The following CRADD variants were observed in gnomAD, a reference collection of about 807,000 sequenced individuals.
CRADD encodes the protein death domain-containing protein CRADD.
A neutral mutation model predicts 15.5 loss-of-function variants in CRADD; 9 were observed. That is an observed-to-expected ratio of 0.58 (90% CI 0.35 to 1.01). The LOEUF (loss-of-function observed/expected upper bound fraction) is 1.01. Among genes scored for constraint, CRADD ranks in the 50% least tolerant of loss-of-function variants. The pLI, the probability that CRADD is intolerant of heterozygous loss-of-function variation, is 0.02. For missense variants in CRADD, 227 were observed against 250.3 expected (o/e 0.91, Z 0.63); for synonymous variants, 118 against 107.6 (o/e 1.10, Z -0.60).
intron 2 of CRADD, among the ~76,000 whole-genome samples, chr12:93,858,828 G>A (rs1400264543): frequency 6.6e-6 from 1 of 152,246 alleles, no homozygotes; most frequent in Admixed American, 6.5e-5. Context: ...CCCCATACCT[G>A]GGAGGAAGGA....
intron 2 of CRADD, among the ~76,000 whole-genome samples, chr12:93,683,017 T>C (rs1368640657): frequency 6.6e-6 from 1 of 152,228 alleles, no homozygotes; most frequent in Non-Finnish European, 1.5e-5. Context: ...CTGGAAATCC[T>C]CTCTGGGCTC....
intron 2 of CRADD, among the ~76,000 whole-genome samples, chr12:93,732,487 C>T (rs957474429): frequency 6.6e-6 from 1 of 152,166 alleles, no homozygotes; most frequent in Admixed American, 6.5e-5. Flanking sequence ...GTAATGGGCT[C>T]TTAGAGATGG....
chr12:93,772,488 T>C (rs1422959511), intron 2 of CRADD, among the ~76,000 whole-genome samples: 2 of 152,230 alleles, frequency 1.3e-5, no homozygotes, highest in Admixed American at 1.3e-4. Context: ...AAACTCTCTC[T>C]TCTGACACCT....
chr12:93,711,846 C>T (rs2136864894), intron 2 of CRADD, among the ~76,000 whole-genome samples: 1 of 152,130 alleles, frequency 6.6e-6, no homozygotes, highest in Middle Eastern at 3.4e-3. Flanking sequence ...ACCTCCACCT[C>T]CCCAGTTCAA....
At chr12:93,753,671 C>A (rs541041124) in intron 2 of CRADD, among the ~76,000 whole-genome samples, 2 of 152,356 alleles carry the variant, frequency 1.3e-5, no homozygotes, top group African/African-American at 4.8e-5. Flanking sequence ...GTAATTAAAT[C>A]TTAAAGCTCT....
rs188223650 is a variant in CRADD at position 93,699,197 on chromosome 12, C to A, written c.298+20125C>A. Among the ~76,000 whole-genome samples, 8 of 152,210 alleles carry A rather than the reference C, an allele frequency of 5.3e-5. No individual in the cohort carries two copies. The East Asian group carries it at 1.5e-3, about 29-fold the overall frequency. The stretch of plus-strand genomic sequence containing the variant: ...GTTTTGAGAGTCAAAACTGGGGAGG[C>A]CTTTCTTCAGGGTAAACTTTTCCTA... On this transcript the variant is annotated intron_variant, in intron 2 of 2. Transcript: ENST00000332896.
rs374005946 is a variant in CRADD at position 93,713,892 on chromosome 12, A to G, written c.298+34820A>G. On this transcript the variant is annotated intron_variant, in intron 2 of 2. Transcript: ENST00000332896. ...TTCCTTTTTAAAACGTGGCTACTAG[A>G]CAATTTAAAATTATATATGTGACTG... 1.1e-4 allele frequency among the ~76,000 whole-genome samples: 16 copies of G among 152,324 alleles called. No individual in the cohort carries two copies. In the South Asian group the frequency reaches 1.9e-3, roughly 18 times the overall value.
intron 2 of CRADD, among the ~76,000 whole-genome samples, chr12:93,689,725 C>T (rs1474124052): frequency 6.6e-6 from 1 of 152,104 alleles, no homozygotes; most frequent in Non-Finnish European, 1.5e-5. Context: ...AAATGAGAGG[C>T]TTCTGGTTTT....
intron 2 of CRADD, among the ~76,000 whole-genome samples, chr12:93,787,588 A>G (rs780976154): frequency 1.2e-4 from 18 of 152,302 alleles, no homozygotes; most frequent in Non-Finnish European, 2.4e-4. Flanking sequence ...TCTCCAAGAA[A>G]ATGAAACAAA....
At chr12:93,817,422 G>T (rs1469068116) in intron 2 of CRADD, among the ~76,000 whole-genome samples, 2 of 152,164 alleles carry the variant, frequency 1.3e-5, no homozygotes, top group African/African-American at 4.8e-5. Flanking sequence ...ACCATTTGAG[G>T]TCGATGCTGT....
chr12:93,770,752 A>T (rs931517345), intron 2 of CRADD, among the ~76,000 whole-genome samples: 1 of 152,152 alleles, frequency 6.6e-6, no homozygotes, highest in Middle Eastern at 3.2e-3. Context: ...GTTCCTGGAG[A>T]TTCTTGGTTA....
chr12:93,769,749 C>T (rs969424727), intron 2 of CRADD, among the ~76,000 whole-genome samples: 5 of 152,178 alleles, frequency 3.3e-5, no homozygotes, highest in Non-Finnish European at 7.3e-5. Flanking sequence ...CTAATGAGCA[C>T]ATTTTCATAT....
chr12:93,855,211 C>A (rs1025127445), downstream of CRADD, among the ~76,000 whole-genome samples: 3 of 152,002 alleles, frequency 2.0e-5, no homozygotes, highest in African/African-American at 7.2e-5. Context: ...AATTAACTTC[C>A]GTGGCCCACT....
At chr12:93,848,119 CT>C (rs1958154153) in intron 2 of CRADD, among the ~76,000 whole-genome samples, 1 of 151,432 alleles carries the variant, frequency 6.6e-6, no homozygotes, top group South Asian at 2.1e-4. Flanking sequence ...TGGATGATTT[CT>C]TTTCTTCTTT....
At chr12:93,735,512 G>A (rs1002132105) in intron 2 of CRADD, 7 of 152,202 alleles carry the variant, frequency 4.6e-5, no homozygotes, top group African/African-American at 1.4e-4. Flanking sequence ...ATAGTGCCTG[G>A]TTCATCGTAG....
intron 2 of CRADD, among the ~76,000 whole-genome samples, chr12:93,697,705 C>G (rs1017004262): frequency 6.6e-6 from 1 of 152,090 alleles, no homozygotes; most frequent in African/African-American, 2.4e-5. Context: ...TTTCCTCATT[C>G]ATTCTAGGTT....
At chr12:93,857,728 G>T (rs868073350) in intron 2 of CRADD, among the ~76,000 whole-genome samples, 2 of 152,180 alleles carry the variant, frequency 1.3e-5, no homozygotes, top group African/African-American at 4.8e-5. Context: ...GGAGCTCCCT[G>T]TTCGGAGATC....
chr12:93,856,802 T>C (rs943083087), intron 2 of CRADD, among the ~76,000 whole-genome samples: 1 of 152,226 alleles, frequency 6.6e-6, no homozygotes, highest in Non-Finnish European at 1.5e-5. Context: ...GTATTAGGCA[T>C]ATTTTGGGGT....
intron 2 of CRADD, among the ~76,000 whole-genome samples, chr12:93,782,639 G>A (rs1480637833): frequency 6.7e-6 from 1 of 150,002 alleles, no homozygotes; most frequent in Non-Finnish European, 1.5e-5. Flanking sequence ...ACCAAATGCA[G>A]GTATGAATCT....
Sources: allele counts gnomAD v4.1 joint callset (sites outside exome capture counted in the v4.1 genomes callset), GRCh38; gene constraint gnomAD v4.1.1; transcripts MANE v1.5; gene names NCBI Gene and HGNC (gene_info 2026-07-23, HGNC 2026-07-21).